The following FIBCD1 variants were observed in gnomAD, a reference collection of about 807,000 sequenced individuals.
The protein encoded by FIBCD1 is fibrinogen C domain-containing protein 1.
In FIBCD1, 47 loss-of-function variants were observed where a neutral mutation model predicts 45.1. The observed-to-expected ratio is 1.04, with a 90% confidence interval of 0.82 to 1.33. FIBCD1 has a LOEUF of 1.33. Ranked by LOEUF, FIBCD1 falls within the 40% of genes most tolerant of loss-of-function variation. The probability of loss-of-function intolerance (pLI) is 0.00; values close to 1 mark genes in which losing one functional copy is unlikely to be tolerated. For synonymous variants in FIBCD1, 313 were observed against 308.1 expected (o/e 1.02, Z -0.17); for missense variants, 653 against 682.2 (o/e 0.96, Z 0.48).
intron 5 of FIBCD1, among the ~76,000 whole-genome samples, chr9:130,907,898 C>CAAAAAAAAAAAAAAAAAAAA (rs11301443): frequency 1.3e-5 from 1 of 78,712 alleles, no homozygotes; most frequent in African/African-American, 4.5e-5. Flanking sequence ...GACTCTGTCT[C>CAAAAAAAAAAAAAAAAAAAA]AAAAAAAAAA....
Position 130,903,839 on chromosome 9 carries a change from A to T in FIBCD1, c.*225T>A, listed in dbSNP as rs1488349055. 1 of 634,200 alleles carries T rather than the reference A, an allele frequency of 1.6e-6. No individual in the cohort carries two copies. The highest frequency in any genetic ancestry group is 1.8e-5 in the African/African-American group (1 of 54,830). 39.3% of individuals were successfully genotyped at this position (634,200 alleles called of 1,614,324 possible). A position where few individuals can be genotyped will look rare whatever the true frequency, so the allele number is the denominator to read the frequency against. On this transcript the variant is annotated 3_prime_UTR_variant, in exon 7 of 7. Transcript: ENST00000372338. ...CAAGTTTGCCAGCCCCCATCAGCAGAGGCAAGAGATCAGTGAGCTGCCAAA... is the reference window on the plus strand; with the variant it reads ...CAAGTTTGCCAGCCCCCATCAGCAGTGGCAAGAGATCAGTGAGCTGCCAAA...
intron 4 of FIBCD1, among the ~76,000 whole-genome samples, chr9:130,913,015 C>T (rs934066283): frequency 3.3e-5 from 5 of 152,076 alleles, no homozygotes; most frequent in Admixed American, 1.3e-4. Context: ...CAGGGGAGGA[C>T]GAGGAGCCCA....
intron 2 of FIBCD1, among the ~76,000 whole-genome samples, chr9:130,929,133 G>A (rs1312850342): frequency 6.6e-6 from 1 of 152,128 alleles, no homozygotes; most frequent in Non-Finnish European, 1.5e-5. Context: ...AGGGGGTATG[G>A]AGAGATGGGG....
In FIBCD1 at chr9:130,911,853, G is replaced by A. The variant is rs1319523260; in HGVS notation, c.885C>T (p.Phe295=). 1.2e-6 allele frequency: 2 copies of A among 1,600,890 alleles called. No individual in the cohort carries two copies. The highest frequency in any genetic ancestry group is 1.7e-6 in the Non-Finnish European group (2 of 1,174,788). Residue 295 remains phenylalanine, a synonymous_variant, in exon 5 of 7, where the codon TTC becomes TTT. Coordinates refer to ENST00000372338, the MANE Select transcript of FIBCD1 (RefSeq NM_032843.5). ...FQRREDGSVN[F]FRGWDAYRDG... is the part of the protein sequence containing the mutation. ...CTCGGTACGCATCCCAGCCCCGGAA[G>A]AAGTTCACGGAGCCGTCCTCCCGGC...
intron 5 of FIBCD1, among the ~76,000 whole-genome samples, chr9:130,908,325 T>G (rs780531690): frequency 4.6e-5 from 7 of 152,208 alleles, no homozygotes; most frequent in African/African-American, 7.2e-5. Context: ...GCTTAAATGC[T>G]TCCTCCCGCA....
In FIBCD1 at chr9:130,922,089, G is replaced by A. The variant is rs969928057; in HGVS notation, c.849+1655C>T. Reference sequence around the variant, plus strand: ...CCCCTGCCTCCCCCAAAAACTCCCCGCCAAGAGGCTTCCCTCTCTCCTGTT... The same window carrying A: ...CCCCTGCCTCCCCCAAAAACTCCCCACCAAGAGGCTTCCCTCTCTCCTGTT... On this transcript the variant is annotated intron_variant, in intron 4 of 6. Coordinates refer to ENST00000372338, the MANE Select transcript of FIBCD1 (RefSeq NM_032843.5). The surrounding 1 kb of genome is among the most constrained non-coding windows in gnomAD (Gnocchi z 4.5). Among the ~76,000 whole-genome samples, 5 of 152,100 alleles carry A rather than the reference G, an allele frequency of 3.3e-5. No homozygotes were observed. The highest frequency in any genetic ancestry group is 4.2e-4 in the South Asian group (2 of 4,812).
In FIBCD1 at chr9:130,938,589, T is replaced by C; in HGVS notation, c.19A>G (p.Lys7Glu). The C allele has an allele frequency of 6.8e-7, 1 of 1,478,028 alleles. No homozygotes were observed. The highest frequency in any genetic ancestry group is 1.8e-4 in the Middle Eastern group (1 of 5,602). The allele number at this position is 1,478,028 out of a possible 1,614,324, so 91.6% of individuals were successfully genotyped here. ...AGTTGGGCAGCGCCGCCCATGGTCTTCCACCGGTCGTTGACCATCTTCCGG... is the reference window on the plus strand; with the variant it reads ...AGTTGGGCAGCGCCGCCCATGGTCTCCCACCGGTCGTTGACCATCTTCCGG... MVNDRWKTMGGAAQLED... is the reference protein window; with the variant it reads MVNDRWETMGGAAQLED... Residue 7 changes from lysine (K) to glutamate (E), a missense_variant, in exon 1 of 7, where the codon AAG (lysine) becomes GAG (glutamate). Lys to Glu is a moderately conservative substitution (Grantham distance 56, BLOSUM62 1). Transcript: ENST00000372338.
At chr9:130,908,568 C>A (rs1028105966) in intron 5 of FIBCD1, among the ~76,000 whole-genome samples, 1 of 152,190 alleles carries the variant, frequency 6.6e-6, no homozygotes, top group African/African-American at 2.4e-5. Flanking sequence ...CCTGCTGGGG[C>A]TCCCCCAACC....
intron 1 of FIBCD1, chr9:130,930,828 C>T (rs1215799382): frequency 1.1e-5 from 5 of 456,194 alleles, no homozygotes; most frequent in South Asian, 7.7e-5. Context: ...AGACACCCAC[C>T]TCTCTATACA....
At chr9:130,939,404 G>C (rs1305192865), upstream of FIBCD1, 6 of 152,226 alleles carry the variant, frequency 3.9e-5, no homozygotes, top group Non-Finnish European at 7.3e-5. Context: ...TCTGGGTCCA[G>C]GTCCCGGGGC....
At chr9:130,911,191 C>T (rs758912366) in intron 5 of FIBCD1, among the ~76,000 whole-genome samples, 12 of 152,196 alleles carry the variant, frequency 7.9e-5, no homozygotes, top group Non-Finnish European at 1.6e-4. Context: ...CACTCCTGAG[C>T]CAGCTAGACC....
chr9:130,909,769 AAAAG>A lies in FIBCD1; in HGVS notation c.946+2019_946+2022del, dbSNP rs200896557. Among the ~76,000 whole-genome samples, 794 of 152,216 alleles carry A rather than the reference AAAAG, an allele frequency of 5.2e-3. 6 individuals are homozygous for A. Among genetic ancestry groups the A allele is most frequent in the African/African-American group, 0.018 (728 of 41,504 alleles). The stretch of plus-strand genomic sequence containing the variant: ...TTAGATAGTGAAATGTTAAAAAAAA[AAAAG>A]AAATGTTAAGGACTTTCAAAAATTC... On this transcript the variant is annotated intron_variant, in intron 5 of 6. Coordinates refer to ENST00000372338, the MANE Select transcript of FIBCD1 (RefSeq NM_032843.5).
chr9:130,904,324 C>T lies in FIBCD1; in HGVS notation c.1127-1G>A. On this transcript the variant is annotated splice_acceptor_variant, in intron 6 of 6. Coordinates refer to ENST00000372338, the MANE Select transcript of FIBCD1 (RefSeq NM_032843.5). LOFTEE classifies it high-confidence loss of function. ...CCGCTGTGCTTCAGGAGGGAGTCGC[C>T]TGCGCAGGGGTGCACACAGGTGTGG... 6.2e-7 allele frequency: 1 copy of T among 1,604,628 alleles called. No individual in the cohort carries two copies. The highest frequency in any genetic ancestry group is 8.5e-7 in the Non-Finnish European group (1 of 1,174,220).
intron 6 of FIBCD1, 28 bp downstream of exon 6, chr9:130,905,206 C>G: frequency 6.3e-7 from 1 of 1,597,448 alleles, no homozygotes; most frequent in Middle Eastern, 1.7e-4. Context: ...GCCCCCCTTC[C>G]CCATCCCTGC....
rs1029110272 is a variant in FIBCD1, at chr9:130,907,399, G to T, written c.947-1986C>A. The stretch of plus-strand genomic sequence containing the variant: ...AGCTTTTCCCTGGCCTTCCAGGACC[G>T]CTCCCAGCCACGTTAGCTGTTCTTC... On this transcript the variant is annotated intron_variant, in intron 5 of 6. Transcript: ENST00000372338. Among the ~76,000 whole-genome samples, 4 of 152,216 alleles carry T rather than the reference G, an allele frequency of 2.6e-5. No homozygotes were observed. In the South Asian group the frequency reaches 8.3e-4, roughly 32 times the overall value.
At chr9:130,932,718 T>C (rs1162150702) in intron 1 of FIBCD1, among the ~76,000 whole-genome samples, 3 of 152,220 alleles carry the variant, frequency 2.0e-5, no homozygotes, top group Admixed American at 6.5e-5. Flanking sequence ...AGACAGATTG[T>C]TGTGGCCTTT....
In FIBCD1 at chr9:130,929,987, A is replaced by AGCCAGCAGCACAGCCAGG; in HGVS notation, c.114_131dup (p.Leu39_Ala44dup). The AGCCAGCAGCACAGCCAGG allele has an allele frequency of 6.5e-7, 1 of 1,544,334 alleles. No homozygotes were observed. On this transcript the variant is annotated inframe_insertion, in exon 2 of 7. Transcript: ENST00000372338. ...AGAGCACGGCACCGGTGACAGCTAC[A>AGCCAGCAGCACAGCCAGG]GCCAGCAGCACAGCCAGGGCCAGCA...
Position 130,923,540 on chromosome 9 carries a change from C to T in FIBCD1, c.849+204G>A, listed in dbSNP as rs527296703. On this transcript the variant is annotated intron_variant, in intron 4 of 6. Coordinates refer to ENST00000372338, the MANE Select transcript of FIBCD1 (RefSeq NM_032843.5). ...CCTAATGTCCGCTCCAGAGTGGGTA[C>T]CCCAGGGTCAGCTCACAGAGTCCCC... is the stretch of plus-strand genomic sequence containing the variant. Among the ~76,000 whole-genome samples, 10 of 152,228 alleles carry T rather than the reference C, an allele frequency of 6.6e-5. No individual in the cohort carries two copies. In the East Asian group the frequency reaches 1.9e-3, roughly 29 times the overall value.
chr9:130,935,383 C>T (rs1321875411), intron 1 of FIBCD1, among the ~76,000 whole-genome samples: 2 of 152,184 alleles, frequency 1.3e-5, no homozygotes, highest in Non-Finnish European at 2.9e-5. Context: ...TGACAAACTC[C>T]AAACTCCTGG....
Sources: allele counts gnomAD v4.1 joint callset (sites outside exome capture counted in the v4.1 genomes callset), GRCh38; gene constraint gnomAD v4.1.1; non-coding constraint Gnocchi (gnomAD v3.1); transcripts MANE v1.5; gene names NCBI Gene and HGNC (gene_info 2026-07-23, HGNC 2026-07-21).